The following UGT1A4 variants were observed in gnomAD, a reference collection of about 807,000 sequenced individuals.
UGT1A4 encodes the protein UDP-glucuronosyltransferase 1A4.
In UGT1A4, 32 loss-of-function variants were observed where a neutral mutation model predicts 41.1. That is an observed-to-expected ratio of 0.78 (90% confidence interval 0.59 to 1.05). The LOEUF (loss-of-function observed/expected upper bound fraction) is 1.05. Ranked by LOEUF, UGT1A4 falls within the 50% of genes least tolerant of loss-of-function variation. UGT1A4 has a pLI of 0.00. For missense variants in UGT1A4, 748 were observed against 677.4 expected, an observed-to-expected ratio of 1.10 and a Z score of -1.16; for synonymous variants, 283 against 265.1, an observed-to-expected ratio of 1.07 and a Z score of -0.66.
intron 1 of UGT1A4, among the ~76,000 whole-genome samples, chr2:233,731,386 C>A (rs2125763293): frequency 6.6e-6 from 1 of 152,052 alleles, no homozygotes; most frequent in Admixed American, 6.6e-5. Flanking sequence ...CCTGCACCCA[C>A]CAACTCGTCA....
chr2:233,724,604 G>A (rs1340979109), intron 1 of UGT1A4, among the ~76,000 whole-genome samples: 2 of 132,722 alleles, frequency 1.5e-5, no homozygotes, highest in Non-Finnish European at 3.2e-5. Flanking sequence ...GACGATGGGC[G>A]GCCGGGCAGA....
chr2:233,747,271 C>T (rs1693606157), intron 1 of UGT1A4: 4 of 1,598,912 alleles, frequency 2.5e-6, no homozygotes, highest in Non-Finnish European at 8.5e-7. Flanking sequence ...GCTACTCCTT[C>T]TCAGTGCCCA....
At chr2:233,766,896 A>G (rs1384164988) in intron 1 of UGT1A4, 138 bp from the exon 2 acceptor site, 7 of 1,480,032 alleles carry the variant, frequency 4.7e-6, no homozygotes, top group Non-Finnish European at 6.2e-6. Context: ...TTACATATTA[A>G]TAATTTTTTA....
chr2:233,755,676 G>A (rs1559401147), intron 1 of UGT1A4: 1 of 157,436 alleles, frequency 6.4e-6, no homozygotes, highest in Non-Finnish European at 1.4e-5. Context: ...TGGTGGGAGT[G>A]AGTTTAGTCT....
intron 1 of UGT1A4, among the ~76,000 whole-genome samples, chr2:233,748,320 G>T (rs1427281151): frequency 6.6e-6 from 1 of 151,764 alleles, no homozygotes; most frequent in Non-Finnish European, 1.5e-5. Flanking sequence ...GACTAGGACT[G>T]ATGTGACTCA....
At chr2:233,768,775 G>A (rs577472067) in intron 4 of UGT1A4, among the ~76,000 whole-genome samples, 18 of 151,802 alleles carry the variant, frequency 1.2e-4, no homozygotes, top group Admixed American at 9.2e-4. Flanking sequence ...GTAGAGAAAG[G>A]GTTTCACCAT....
chr2:233,765,338 A>G lies in UGT1A4; in HGVS notation c.868-1696A>G, dbSNP rs1698804627. On this transcript the variant is annotated intron_variant, in intron 1 of 4. Transcript: ENST00000373409. ...TTATTGCAGCACTATTCACAATAAC[A>G]AAGTCATGGAACCAACCCAGATGCC... Among the ~76,000 whole-genome samples the G allele has an allele frequency of 3.9e-5, 6 of 152,242 alleles. No individual in the cohort carries two copies. In the South Asian group the frequency reaches 1.0e-3, roughly 26 times the overall value.
chr2:233,755,915 AGTGGC>A (rs1696065119), intron 1 of UGT1A4: 1 of 150,558 alleles, frequency 6.6e-6, no homozygotes, highest in Non-Finnish European at 1.5e-5. Flanking sequence ...TAGTGAGAAG[AGTGGC>A]ATCGTTTTAC....
chr2:233,756,647 A>G (rs924838506), intron 1 of UGT1A4, among the ~76,000 whole-genome samples: 33 of 152,308 alleles, frequency 2.2e-4, no homozygotes, highest in African/African-American at 5.1e-4. Flanking sequence ...GGGGATAAAC[A>G]TGGGATGCAG....
At chr2:233,764,520 A>G (rs935086504) in intron 1 of UGT1A4, among the ~76,000 whole-genome samples, 4 of 152,220 alleles carry the variant, frequency 2.6e-5, no homozygotes, top group African/African-American at 4.8e-5. Context: ...TGTGAATCAC[A>G]TCCTGCTGAT....
rs186385577 is a variant in UGT1A4 at position 233,726,826 on chromosome 2, T to C, written c.867+7139T>C. ...TGGAGGTTTTCCTCTATTCGACCAT[T>C]TAAATTTAATTTTTGTTCCTTTTCT... On this transcript the variant is annotated intron_variant, in intron 1 of 4. Transcript: ENST00000373409. 4.6e-3 allele frequency among the ~76,000 whole-genome samples: 697 copies of C among 152,318 alleles called. 10 individuals carry two copies. Among genetic ancestry groups the C allele is most frequent in the Middle Eastern group, 0.031 (9 of 294 alleles).
At chr2:233,729,691 A>G (rs761191770) in intron 1 of UGT1A4, 3 of 1,613,862 alleles carry the variant, frequency 1.9e-6, no homozygotes, top group South Asian at 1.1e-5. Context: ...ACAGTGTCCA[A>G]ACCCTTCCTC....
At chr2:233,724,824 G>A (rs1386605275) in intron 1 of UGT1A4, among the ~76,000 whole-genome samples, 24 of 135,740 alleles carry the variant, frequency 1.8e-4, no homozygotes, top group African/African-American at 7.1e-4. Context: ...TGCAATCTCG[G>A]CACTTTGGGA....
rs749212538 is a variant in UGT1A4 at position 233,718,994 on chromosome 2, G to C, written c.174G>C (p.Ala58=). Residue 58 remains alanine (A), a synonymous_variant, in exon 1 of 5, where the codon GCG becomes GCC. Coordinates refer to ENST00000373409, the MANE Select transcript of UGT1A4 (RefSeq NM_007120.3). ...AGCTCCATGCCAGAGGCCACCAGGCGGTGGTCCTCACCCCAGAGGTGAATA... is the reference window on the plus strand; with the variant it reads ...AGCTCCATGCCAGAGGCCACCAGGCCGTGGTCCTCACCCCAGAGGTGAATA... ...LRELHARGHQ[A]VVLTPEVNMH... 11 of 1,613,986 alleles carry C rather than the reference G, an allele frequency of 6.8e-6. No individual in the cohort carries two copies. In the Admixed American group the frequency reaches 1.2e-4, roughly 17 times the overall value.
intron 1 of UGT1A4, among the ~76,000 whole-genome samples, chr2:233,726,331 C>A (rs898548496): frequency 2.0e-5 from 3 of 152,168 alleles, no homozygotes; most frequent in Non-Finnish European, 4.4e-5. Flanking sequence ...GTTTCAGCAC[C>A]TGTGGTTTTT....
rs1406835631 is a variant in UGT1A4 at position 233,768,368 on chromosome 2, G to T, written c.1236G>T (p.Val412=). The T allele has an allele frequency of 6.2e-7, 1 of 1,614,116 alleles. No individual in the cohort carries two copies. The highest frequency in any genetic ancestry group is 2.2e-5 in the East Asian group (1 of 44,876). Residue 412 remains valine, a synonymous_variant, in exon 4 of 5, where the codon GTG becomes GTT. Coordinates refer to ENST00000373409, the MANE Select transcript of UGT1A4 (RefSeq NM_007120.3). ...AKRMETKGAG[V]TLNVLEMTSE... ...GCATGGAGACTAAGGGAGCTGGAGT[G>T]ACCCTGAATGTTCTGGAAATGACTT...
At chr2:233,743,788 C>T (rs1478609008) in intron 1 of UGT1A4, 1 of 1,367,378 alleles carries the variant, frequency 7.3e-7, no homozygotes, top group Admixed American at 1.9e-5. Flanking sequence ...TGAATCTCCT[C>T]TCCGCTTCCT....
At chr2:233,729,634 G>C in intron 1 of UGT1A4, 1 of 1,613,874 alleles carries the variant, frequency 6.2e-7, no homozygotes, top group African/African-American at 1.3e-5. Context: ...GATTCCTACT[G>C]TGTTTTTTTT....
intron 1 of UGT1A4, among the ~76,000 whole-genome samples, chr2:233,736,107 T>G (rs1391401808): frequency 6.6e-6 from 1 of 152,266 alleles, no homozygotes; most frequent in Non-Finnish European, 1.5e-5. Flanking sequence ...AAGAGTGTTT[T>G]CCAACTTGTT....
Sources: gnomAD v4.1 joint callset for allele counts (sites outside exome capture counted in the v4.1 genomes callset) on GRCh38, gnomAD v4.1.1 for gene constraint, MANE v1.5 for transcripts, NCBI Gene and HGNC (gene_info 2026-07-23, HGNC 2026-07-21) for gene names.